Variants in DOCK10 observed in about 807,000 individuals in gnomAD.
The protein encoded by DOCK10 is dedicator of cytokinesis protein 10.
Under a neutral mutation model 280.1 loss-of-function variants are expected in DOCK10, and 145 were observed. The observed-to-expected ratio is 0.52, with a 90% confidence interval of 0.45 to 0.59. The LOEUF (loss-of-function observed/expected upper bound fraction) is 0.59, where lower values mean the gene tolerates loss of function less well. DOCK10 is among the 20% of genes least tolerant of loss of function. The pLI, the probability that DOCK10 is intolerant of heterozygous loss-of-function variation, is 0.00. For synonymous variants in DOCK10, 915 were observed against 942.2 expected (o/e 0.97, Z 0.53); for missense variants, 2,368 against 2,651.7 (o/e 0.89, Z 2.35).
chr2:225,034,114 T>A (rs530730667), intron 1 of DOCK10, among the ~76,000 whole-genome samples: 1 of 152,358 alleles, frequency 6.6e-6, no homozygotes, highest in South Asian at 2.1e-4. Flanking sequence ...ACTCTTCCTA[T>A]AACTAGTACT....
At chr2:224,787,251 C>T in intron 49 of DOCK10, 24 bp downstream of exon 49, 2 of 1,613,616 alleles carry the variant, frequency 1.2e-6, no homozygotes, top group African/African-American at 1.3e-5. Context: ...TTTTAATTAA[C>T]TTCTAGGGGG....
intron 1 of DOCK10, among the ~76,000 whole-genome samples, chr2:225,001,245 G>GT (rs979532932): frequency 1.3e-5 from 2 of 151,244 alleles, no homozygotes; most frequent in Non-Finnish European, 2.9e-5. Context: ...CGGGACTTTG[G>GT]TAAGTCATGA....
chr2:224,808,807 A>G (rs1693574627), intron 31 of DOCK10, among the ~76,000 whole-genome samples: 1 of 151,848 alleles, frequency 6.6e-6, no homozygotes, highest in Non-Finnish European at 1.5e-5. Context: ...ACTTATTAAT[A>G]TGGTGTGGCA....
chr2:224,819,111 A>G (rs1694340390), intron 29 of DOCK10, among the ~76,000 whole-genome samples: 1 of 152,212 alleles, frequency 6.6e-6, no homozygotes, highest in South Asian at 2.1e-4. Flanking sequence ...CAGGACTTAA[A>G]GGTTTCCAGG....
chr2:224,987,348 A>G (rs1706001781), intron 1 of DOCK10, among the ~76,000 whole-genome samples: 1 of 152,202 alleles, frequency 6.6e-6, no homozygotes, highest in African/African-American at 2.4e-5. Flanking sequence ...ATTGCTCACA[A>G]CAGGGCCCAA....
In DOCK10 at chr2:224,841,793, T is replaced by C. The variant is rs1320432559; in HGVS notation, c.2661+11A>G. 6.3e-7 allele frequency: 1 copy of C among 1,586,182 alleles called. No individual in the cohort carries two copies. On this transcript the variant is annotated intron_variant, in intron 23 of 55. Transcript: ENST00000258390. ...CTGGAGATCACTGAAACTGCTTGCA[T>C]GTCATGTTACCTTACAAGAGCGGAT...
rs377373788 is a variant in DOCK10 at position 224,805,059 on chromosome 2, C to T, written c.4117G>A (p.Asp1373Asn). The change falls in exon 37 of 56, where the codon GAC becomes AAC. Residue 1373 changes from aspartate to asparagine, a missense_variant and splice_region_variant. By Grantham distance (23) the Asp-to-Asn change is conservative. Coordinates refer to ENST00000258390, the MANE Select transcript of DOCK10 (RefSeq NM_014689.3). The surrounding 1 kb of genome is among the most constrained non-coding windows in gnomAD (Gnocchi z 4.3). ...PEVSDFFSIL[D>N]VCLQNFRYLG... ...TAAGTCATCAACTCTAAAACTTACT[C>T]CAAGATGCTGAAGAAGTCGGACACC... 8.1e-6 allele frequency: 13 copies of T among 1,606,280 alleles called. No individual in the cohort carries two copies. The highest frequency in any genetic ancestry group is 4.0e-5 in the African/African-American group (3 of 74,490).
intron 15 of DOCK10, among the ~76,000 whole-genome samples, chr2:224,856,134 G>C (rs915422728): frequency 2.0e-5 from 3 of 152,206 alleles, no homozygotes; most frequent in African/African-American, 7.2e-5. Flanking sequence ...AGTTGCTTGT[G>C]AAACATTTGT....
Position 224,805,216 on chromosome 2 carries a change from C to T in DOCK10, c.4041G>A (p.Thr1347=), listed in dbSNP as rs569055453. 6 of 1,609,376 alleles carry T rather than the reference C, an allele frequency of 3.7e-6. No individual in the cohort carries two copies. Among genetic ancestry groups the T allele is most frequent in the South Asian group, 2.2e-5 (2 of 90,016 alleles). Residue 1347 remains threonine (T), a synonymous_variant, in exon 36 of 56, where the codon ACG becomes ACA. Transcript: ENST00000258390. The surrounding 1 kb of genome is among the most constrained non-coding windows in gnomAD (Gnocchi z 4.3). ...AAGAATTCTCTTTACCGTACGAAAT[C>T]GTTTTCATAATGTGAAGAAAACACA... ...LLMCFLHIMK[T]ISYETLIAYW... is the part of the protein sequence containing the mutation.
chr2:224,923,403 C>T lies in DOCK10; in HGVS notation c.244-6619G>A, dbSNP rs148539757. The stretch of plus-strand genomic sequence containing the variant: ...CAGGCTCCAAAACATGTCTCATCTC[C>T]TCTAAAGAGGTGAGGACCAAACATT... On this transcript the variant is annotated intron_variant, in intron 2 of 55. Transcript: ENST00000258390. 5.3e-4 allele frequency among the ~76,000 whole-genome samples: 80 copies of T among 152,332 alleles called. 2 individuals carry two copies. The highest frequency in any genetic ancestry group is 1.8e-3 in the Admixed American group (28 of 15,304).
At chr2:224,789,795 T>G (rs1317178859) in intron 47 of DOCK10, among the ~76,000 whole-genome samples, 2 of 151,980 alleles carry the variant, frequency 1.3e-5, no homozygotes, top group Non-Finnish European at 2.9e-5. Context: ...TTTTTTTTTT[T>G]TTGAGACGGA....
At chr2:224,943,600 C>T (rs529053226) in intron 1 of DOCK10, among the ~76,000 whole-genome samples, 17 of 152,128 alleles carry the variant, frequency 1.1e-4, no homozygotes, top group Non-Finnish European at 2.4e-4. Context: ...TGAGTATATC[C>T]AAAAATTTAA....
chr2:225,032,899 T>C (rs1013991948), intron 1 of DOCK10, among the ~76,000 whole-genome samples: 2 of 152,248 alleles, frequency 1.3e-5, no homozygotes, highest in African/African-American at 4.8e-5. Context: ...ACTGGTCATT[T>C]TGACAGCCTC....
intron 3 of DOCK10, among the ~76,000 whole-genome samples, chr2:224,900,086 C>T (rs1700207105): frequency 6.6e-6 from 1 of 152,176 alleles, no homozygotes; most frequent in Admixed American, 6.5e-5. Context: ...GACACAGATG[C>T]AATGACTTAC....
At chr2:224,845,489 AC>A in intron 20 of DOCK10, 29 bp downstream of exon 20, 1 of 1,599,132 alleles carries the variant, frequency 6.3e-7, no homozygotes. Context: ...AAGACATGTG[AC>A]TCTGCCTCAG....
Position 224,852,975 on chromosome 2 carries a change from G to C in DOCK10, c.2036C>G (p.Pro679Arg). Residue 679 changes from proline (P) to arginine (R), a missense_variant, in exon 17 of 56, where the codon CCC (proline) becomes CGC (arginine). This residue lies in a region of DOCK10 where 1,209 missense variants were observed against 1,250.9 expected (regional missense o/e 0.97). Transcript: ENST00000258390. ...CTGGCTATCATACTTGAGGTGTTTG[G>C]GGTAAATATAAATTTGATTTTTATA... is the stretch of plus-strand genomic sequence containing the variant. ...RVYKNQIYIY[P>R]KHLKYDSQKC... The C allele has an allele frequency of 1.2e-6, 2 of 1,608,724 alleles. No homozygotes were observed. The highest frequency in any genetic ancestry group is 1.7e-6 in the Non-Finnish European group (2 of 1,176,738).
chr2:224,837,198 A>T (rs1241446970), intron 25 of DOCK10, among the ~76,000 whole-genome samples: 1 of 152,218 alleles, frequency 6.6e-6, no homozygotes, highest in Admixed American at 6.5e-5. Context: ...CCAACTGGAA[A>T]TGAGAATAGA....
chr2:224,845,716 C>G, intron 19 of DOCK10, 74 bp from the exon 20 acceptor site: 1 of 1,394,220 alleles, frequency 7.2e-7, no homozygotes, highest in Non-Finnish European at 9.8e-7. Context: ...CAAAGCATAG[C>G]TTTTTAAACA....
chr2:224,881,195 G>A (rs1698954782), intron 7 of DOCK10, among the ~76,000 whole-genome samples: 1 of 152,102 alleles, frequency 6.6e-6, no homozygotes, highest in African/African-American at 2.4e-5. Context: ...TCTTGCATAT[G>A]TTATCAGGAC....
Sources: gnomAD v4.1 joint callset for allele counts (sites outside exome capture counted in the v4.1 genomes callset) on GRCh38, gnomAD v4.1.1 for gene constraint, gnomAD v4.1.1 regional missense constraint, Gnocchi (gnomAD v3.1) non-coding constraint, MANE v1.5 for transcripts, NCBI Gene and HGNC (gene_info 2026-07-23, HGNC 2026-07-21) for gene names.